TTC17: variants seen among roughly 807,000 people sequenced by gnomAD.
TTC17 encodes the protein tetratricopeptide repeat domain 17.
Under a neutral mutation model 143.8 loss-of-function variants are expected in TTC17, and 58 were observed. That is an observed-to-expected ratio of 0.40 (90% CI 0.33 to 0.50). The LOEUF (loss-of-function observed/expected upper bound fraction) is 0.50. Among genes scored for constraint, TTC17 ranks in the 20% least tolerant of loss-of-function variants. The probability of loss-of-function intolerance (pLI) is 0.49; values close to 1 mark genes in which losing one functional copy is unlikely to be tolerated. For missense variants in TTC17, 1,273 were observed against 1,392.5 expected (o/e 0.91, Z 1.37); for synonymous variants, 501 against 497.8 (o/e 1.01, Z -0.09).
intron 21 of TTC17, among the ~76,000 whole-genome samples, chr11:43,461,380 A>G (rs1032783993): frequency 7.3e-6 from 1 of 136,128 alleles, no homozygotes; most frequent in South Asian, 2.3e-4. Flanking sequence ...GACAGAGCGA[A>G]ACTCCGTCTC....
chr11:43,396,568 C>G, intron 5 of TTC17, 141 bp from the exon 6 acceptor site: 2 of 476,022 alleles, frequency 4.2e-6, no homozygotes, highest in South Asian at 8.7e-5. Context: ...GTGTCCTGTT[C>G]TTTATCATTG....
At chr11:43,456,209 C>G (rs1947760585) in intron 21 of TTC17, among the ~76,000 whole-genome samples, 1 of 149,780 alleles carries the variant, frequency 6.7e-6, no homozygotes, top group Admixed American at 6.8e-5. Context: ...CACACACACA[C>G]ACACCACTTA....
intron 10 of TTC17, among the ~76,000 whole-genome samples, chr11:43,402,803 T>G (rs1565147507): frequency 6.6e-6 from 1 of 152,210 alleles, no homozygotes; most frequent in East Asian, 1.9e-4. Context: ...TATTCTATCT[T>G]AGAGAAAACT....
chr11:43,365,165 G>A (rs534438266), intron 1 of TTC17, among the ~76,000 whole-genome samples: 7 of 152,170 alleles, frequency 4.6e-5, no homozygotes, highest in East Asian at 3.9e-4. Context: ...CAGTGGCACC[G>A]TCATAGCTCA....
chr11:43,473,718 T>TA (rs1459909155), intron 21 of TTC17, among the ~76,000 whole-genome samples: 2 of 151,430 alleles, frequency 1.3e-5, no homozygotes, highest in East Asian at 1.9e-4. Flanking sequence ...TCATTAAAAA[T>TA]AAAAAAATAA....
chr11:43,389,539 T>C, intron 2 of TTC17, 113 bp from the exon 3 acceptor site: 1 of 1,050,482 alleles, frequency 9.5e-7, no homozygotes. Flanking sequence ...AGAATTCTTG[T>C]CTTCCTACAT....
chr11:43,372,970 TATA>T (rs1328216388), intron 1 of TTC17, among the ~76,000 whole-genome samples: 1 of 152,160 alleles, frequency 6.6e-6, no homozygotes, highest in African/African-American at 2.4e-5. Context: ...AAGGAAATAA[TATA>T]GTAGATATAT....
intron 16 of TTC17, among the ~76,000 whole-genome samples, chr11:43,434,576 A>C (rs1947242666): frequency 6.6e-6 from 1 of 152,228 alleles, no homozygotes; most frequent in Admixed American, 6.5e-5. Context: ...GGAGGAAAAA[A>C]TATAAAGCAT....
chr11:43,408,519 C>T (rs372334142), intron 15 of TTC17, among the ~76,000 whole-genome samples: 17 of 152,092 alleles, frequency 1.1e-4, no homozygotes, highest in East Asian at 3.9e-4. Flanking sequence ...CAATGGAAAG[C>T]GCAATGCAGC....
chr11:43,465,846 CAG>C (rs1947961388), intron 21 of TTC17, among the ~76,000 whole-genome samples: 2 of 148,712 alleles, frequency 1.3e-5, no homozygotes, highest in South Asian at 2.1e-4. Context: ...TGGAAGAAAA[CAG>C]AGGAAAAAAG....
At chr11:43,492,848 C>T (rs1417820420) in intron 23 of TTC17, among the ~76,000 whole-genome samples, 1 of 152,260 alleles carries the variant, frequency 6.6e-6, no homozygotes, top group East Asian at 1.9e-4. Context: ...CCCCTAAAAG[C>T]TGTCATAACC....
chr11:43,423,551 T>C (rs979574940), intron 16 of TTC17, among the ~76,000 whole-genome samples: 3 of 152,120 alleles, frequency 2.0e-5, no homozygotes, highest in Non-Finnish European at 4.4e-5. Context: ...AAGAGGACAA[T>C]AGTAGTGTGT....
At chr11:43,424,455 A>G (rs1009743416) in intron 16 of TTC17, among the ~76,000 whole-genome samples, 16 of 152,158 alleles carry the variant, frequency 1.1e-4, no homozygotes, top group Non-Finnish European at 2.2e-4. Flanking sequence ...AGCTTTCTTT[A>G]AAAACTTCAT....
At chr11:43,409,074 C>G (rs1490019900) in intron 15 of TTC17, among the ~76,000 whole-genome samples, 1 of 152,098 alleles carries the variant, frequency 6.6e-6, no homozygotes, top group Non-Finnish European at 1.5e-5. Context: ...CACCCTCTTC[C>G]CAACTTTTGG....
At chr11:43,382,026 T>C (rs1225964332) in intron 2 of TTC17, among the ~76,000 whole-genome samples, 2 of 152,098 alleles carry the variant, frequency 1.3e-5, no homozygotes, top group Non-Finnish European at 2.9e-5. Context: ...AGGCTCAAGA[T>C]AGAAATTTGT....
At chr11:43,418,055 T>A (rs1215494187) in intron 16 of TTC17, among the ~76,000 whole-genome samples, 1 of 152,264 alleles carries the variant, frequency 6.6e-6, no homozygotes, top group Non-Finnish European at 1.5e-5. Context: ...TTGTATCACT[T>A]GTAAATACTG....
chr11:43,461,390 CAAAAAAAAAA>C (rs750240102), intron 21 of TTC17, among the ~76,000 whole-genome samples: 10 of 36,038 alleles, frequency 2.8e-4, no homozygotes, highest in Non-Finnish European at 3.6e-4. Context: ...AACTCCGTCT[CAAAAAAAAAA>C]AAAAAAAAAA....
intron 16 of TTC17, among the ~76,000 whole-genome samples, chr11:43,422,473 TACCTCAATAATTACTATAAA>T (rs1405302410): frequency 4.6e-5 from 7 of 152,152 alleles, no homozygotes; most frequent in African/African-American, 1.4e-4. Flanking sequence ...TGGATGAAAT[TACCTCAATAATTACTATAAA>T]AAGGAAAATG....
chr11:43,359,300 C>A, intron 1 of TTC17, 187 bp downstream of exon 1: 1 of 721,034 alleles, frequency 1.4e-6, no homozygotes, highest in Non-Finnish European at 2.1e-6. Flanking sequence ...CACTTGTCTC[C>A]TGGTCCTCGT....
Sources: allele counts gnomAD v4.1 joint callset (sites outside exome capture counted in the v4.1 genomes callset), GRCh38; gene constraint gnomAD v4.1.1; transcripts MANE v1.5; gene names NCBI Gene and HGNC (gene_info 2026-07-23, HGNC 2026-07-21).